The following PTPRN2 variants were observed in gnomAD, a reference collection of about 807,000 sequenced individuals.
PTPRN2 encodes the protein protein tyrosine phosphatase receptor type N2, also known as receptor-type tyrosine-protein phosphatase N2.
In PTPRN2, 74 loss-of-function variants were observed where a neutral mutation model predicts 118.8. That is an observed-to-expected ratio of 0.62 (90% confidence interval 0.52 to 0.76). The LOEUF is 0.76. Among genes scored for constraint, PTPRN2 ranks in the 30% least tolerant of loss-of-function variants. The probability of loss-of-function intolerance (pLI) is 0.00; values close to 1 mark genes in which losing one functional copy is unlikely to be tolerated. For synonymous variants in PTPRN2, 641 were observed against 608.0 expected, an observed-to-expected ratio of 1.05 and a Z score of -0.80; for missense variants, 1,481 against 1,394.4, an observed-to-expected ratio of 1.06 and a Z score of -0.99.
At chr7:158,055,049 TAATAA>T (rs1809678889) in intron 11 of PTPRN2, among the ~76,000 whole-genome samples, 1 of 152,242 alleles carries the variant, frequency 6.6e-6, no homozygotes, top group Non-Finnish European at 1.5e-5. Context: ...TGTTCCAGTG[TAATAA>T]AATATGTAAA....
intron 12 of PTPRN2, among the ~76,000 whole-genome samples, chr7:157,703,697 T>C (rs1798190408): frequency 6.6e-6 from 1 of 152,068 alleles, no homozygotes; most frequent in Admixed American, 6.6e-5. Flanking sequence ...CTGGTGGGGT[T>C]CCTGCGGTCC....
At chr7:157,926,852 G>C (rs1462534686) in intron 11 of PTPRN2, among the ~76,000 whole-genome samples, 5 of 152,166 alleles carry the variant, frequency 3.3e-5, no homozygotes, top group African/African-American at 1.2e-4. Context: ...GCATCTGGAC[G>C]TGTGGCTGCA....
chr7:158,041,369 G>T (rs949613039), intron 11 of PTPRN2, among the ~76,000 whole-genome samples: 1 of 152,152 alleles, frequency 6.6e-6, no homozygotes, highest in Admixed American at 6.5e-5. Context: ...TGGGCACGGT[G>T]GCTCATGCCC....
intron 11 of PTPRN2, among the ~76,000 whole-genome samples, chr7:157,973,208 T>C (rs1474340599): frequency 6.6e-6 from 1 of 152,200 alleles, no homozygotes; most frequent in African/African-American, 2.4e-5. Context: ...CTTCGAGGGA[T>C]GAAGCAGCTT....
intron 2 of PTPRN2, among the ~76,000 whole-genome samples, chr7:158,400,824 G>A (rs529499468): frequency 6.6e-6 from 1 of 152,126 alleles, no homozygotes; most frequent in Admixed American, 6.5e-5. Context: ...CCATGCAGCT[G>A]AGACGGATCC....
intron 13 of PTPRN2, among the ~76,000 whole-genome samples, chr7:157,657,077 C>T (rs1206989541): frequency 8.3e-6 from 1 of 120,244 alleles, no homozygotes; most frequent in Non-Finnish European, 1.7e-5. Context: ...ACACGTCACA[C>T]ATATACACAC....
chr7:158,099,874 C>T (rs188689370), intron 10 of PTPRN2, among the ~76,000 whole-genome samples: 188 of 126,708 alleles, frequency 1.5e-3, no homozygotes, highest in African/African-American at 5.6e-3. Context: ...TGCTTCACTT[C>T]CTCTCCCCAC....
chr7:158,401,861 C>T (rs541343468), intron 2 of PTPRN2, among the ~76,000 whole-genome samples: 13 of 152,206 alleles, frequency 8.5e-5, no homozygotes, highest in South Asian at 4.2e-4. Flanking sequence ...GAAGACAAAA[C>T]GAGAGCAGGG....
At chr7:158,504,472 G>C (rs1418139942) in intron 1 of PTPRN2, among the ~76,000 whole-genome samples, 2 of 151,976 alleles carry the variant, frequency 1.3e-5, no homozygotes, top group East Asian at 3.9e-4. Flanking sequence ...TCCTGTGTTA[G>C]TTTGCCGAGG....
intron 13 of PTPRN2, among the ~76,000 whole-genome samples, chr7:157,658,341 G>A (rs555464332): frequency 2.0e-5 from 3 of 152,160 alleles, no homozygotes; most frequent in African/African-American, 4.8e-5. Flanking sequence ...GGAGCCGTGC[G>A]GGAGACAGAA....
intron 14 of PTPRN2, among the ~76,000 whole-genome samples, chr7:157,633,475 C>A (rs1371567641): frequency 6.6e-6 from 1 of 152,234 alleles, no homozygotes; most frequent in East Asian, 1.9e-4. Context: ...GGCAGACCAT[C>A]TGCAAGTAGA....
In PTPRN2 at chr7:158,276,195, C is replaced by T. The variant is rs974557969; in HGVS notation, c.277+40624G>A. Among the ~76,000 whole-genome samples, 47 of 151,602 alleles carry T rather than the reference C, an allele frequency of 3.1e-4. 3 individuals are homozygous for T. The highest frequency in any genetic ancestry group is 1.0e-3 in the African/African-American group (43 of 41,270). Reference sequence around the variant, plus strand: ...AAGCCTCTCTGCCCTTGAAGCACAGCTCCTGCCCTGGCCCCGGCAGGCTGT... The same window carrying T: ...AAGCCTCTCTGCCCTTGAAGCACAGTTCCTGCCCTGGCCCCGGCAGGCTGT... On this transcript the variant is annotated intron_variant, in intron 3 of 22. Coordinates refer to ENST00000389418, the MANE Select transcript of PTPRN2 (RefSeq NM_002847.5).
intron 6 of PTPRN2, among the ~76,000 whole-genome samples, chr7:158,149,476 A>T (rs934491886): frequency 6.6e-6 from 1 of 152,110 alleles, no homozygotes; most frequent in Non-Finnish European, 1.5e-5. Context: ...TTAATCTCTA[A>T]CAAAGGCAAT....
intron 6 of PTPRN2, among the ~76,000 whole-genome samples, chr7:158,153,183 G>A (rs187474130): frequency 6.6e-5 from 10 of 152,274 alleles, no homozygotes; most frequent in Non-Finnish European, 1.3e-4. Flanking sequence ...TCAAGCATTC[G>A]GACTCCAGGG....
intron 1 of PTPRN2, among the ~76,000 whole-genome samples, chr7:158,549,032 A>C (rs1183721273): frequency 6.6e-6 from 1 of 152,192 alleles, no homozygotes; most frequent in Non-Finnish European, 1.5e-5. Context: ...GGAGATGCAG[A>C]CAGCAGTGCC....
At chr7:158,253,803 C>T (rs886625961) in intron 3 of PTPRN2, among the ~76,000 whole-genome samples, 5 of 152,176 alleles carry the variant, frequency 3.3e-5, no homozygotes, top group African/African-American at 9.7e-5. Context: ...TCGCAGAAGT[C>T]GAGCTGGGCA....
In PTPRN2 at chr7:158,526,295, C is replaced by A. The variant is rs920681942; in HGVS notation, c.113-36510G>T. 6.6e-6 allele frequency among the ~76,000 whole-genome samples: 1 copy of A among 152,154 alleles called. No individual in the cohort carries two copies. The highest frequency in any genetic ancestry group is 2.1e-4 in the South Asian group (1 of 4,824). On this transcript the variant is annotated intron_variant, in intron 1 of 22. Coordinates refer to ENST00000389418, the MANE Select transcript of PTPRN2 (RefSeq NM_002847.5). The surrounding 1 kb of genome is among the most constrained non-coding windows in gnomAD (Gnocchi z 5.2). ...CACCTGTGGCGGCGAAGGGAACTGA[C>A]ACCACTCCTTCCCGGTGAGCTCGGC...
intron 8 of PTPRN2, 135 bp from the exon 9 acceptor site, chr7:158,134,194 C>T (rs968887685): frequency 8.0e-6 from 8 of 999,674 alleles, no homozygotes; most frequent in Non-Finnish European, 1.0e-5. Context: ...GGGAGGAAGG[C>T]GAAGTGTGTG....
intron 12 of PTPRN2, among the ~76,000 whole-genome samples, chr7:157,824,596 C>T (rs1008365049): frequency 5.9e-5 from 9 of 152,180 alleles, no homozygotes; most frequent in African/African-American, 1.2e-4. Context: ...CTGAGCCTCC[C>T]GCAAAATAGG....
Sources: gnomAD v4.1 joint callset for allele counts (sites outside exome capture counted in the v4.1 genomes callset) on GRCh38, gnomAD v4.1.1 for gene constraint, Gnocchi (gnomAD v3.1) non-coding constraint, MANE v1.5 for transcripts, NCBI Gene and HGNC (gene_info 2026-07-23, HGNC 2026-07-21) for gene names.